Variants in MAST4 observed in about 807,000 individuals in gnomAD.
MAST4 encodes microtubule associated serine/threonine kinase family member 4.
In MAST4, 89 loss-of-function variants were observed where a neutral mutation model predicts 162.7. The observed-to-expected ratio is 0.55, with a 90% CI of 0.46 to 0.65. The LOEUF is 0.65. Ranked by LOEUF, MAST4 falls within the 30% of genes least tolerant of loss-of-function variation. The probability of loss-of-function intolerance (pLI) is 0.00; values close to 1 mark genes in which losing one functional copy is unlikely to be tolerated. For synonymous variants in MAST4, 1,479 were observed against 1,361.1 expected, an observed-to-expected ratio of 1.09 and a Z score of -1.91; for missense variants, 3,153 against 3,374.0, an observed-to-expected ratio of 0.93 and a Z score of 1.62.
At chr5:66,921,214 A>T (rs919531324) in intron 4 of MAST4, among the ~76,000 whole-genome samples, 3 of 152,208 alleles carry the variant, frequency 2.0e-5, no homozygotes, top group Non-Finnish European at 2.9e-5. Context: ...TAGAGCCCCT[A>T]AGTCTGACAT....
At chr5:66,740,348 CTG>C (rs1216282264) in intron 1 of MAST4, among the ~76,000 whole-genome samples, 1 of 152,190 alleles carries the variant, frequency 6.6e-6, no homozygotes, top group Non-Finnish European at 1.5e-5. Flanking sequence ...TGAAAACGTG[CTG>C]TCTCTTAAAT....
At chr5:66,627,442 A>G (rs2149416399) in intron 1 of MAST4, among the ~76,000 whole-genome samples, 1 of 152,316 alleles carries the variant, frequency 6.6e-6, no homozygotes, top group East Asian at 1.9e-4. Flanking sequence ...GTTTTGAGGA[A>G]GAAGATGTGA....
intron 2 of MAST4, among the ~76,000 whole-genome samples, chr5:66,764,722 T>C (rs1754010137): frequency 6.6e-6 from 1 of 152,226 alleles, no homozygotes; most frequent in Non-Finnish European, 1.5e-5. Context: ...AATGTGTTTG[T>C]ATTTTAAGCT....
intron 4 of MAST4, among the ~76,000 whole-genome samples, chr5:67,018,693 T>C (rs1203794855): frequency 6.6e-6 from 1 of 152,174 alleles, no homozygotes; most frequent in Non-Finnish European, 1.5e-5. Flanking sequence ...GTATGATTGT[T>C]GGAAAATAAG....
At chr5:66,723,954 AC>A (rs1561287273) in intron 1 of MAST4, among the ~76,000 whole-genome samples, 1 of 151,910 alleles carries the variant, frequency 6.6e-6, no homozygotes, top group African/African-American at 2.4e-5. Flanking sequence ...ACCTCACTAT[AC>A]CCCCACCCCT....
intron 4 of MAST4, among the ~76,000 whole-genome samples, chr5:67,026,340 C>T (rs895619765): frequency 6.6e-6 from 1 of 152,218 alleles, no homozygotes; most frequent in South Asian, 2.1e-4. Flanking sequence ...ACAACAGCAT[C>T]TCACAACAGT....
At chr5:66,606,763 G>A (rs931874267) in intron 1 of MAST4, among the ~76,000 whole-genome samples, 6 of 152,086 alleles carry the variant, frequency 3.9e-5, no homozygotes, top group Admixed American at 1.3e-4. Flanking sequence ...GAGGGTGCAT[G>A]GCATATAGTG....
chr5:66,761,489 CAG>C (rs1429491176), intron 2 of MAST4, among the ~76,000 whole-genome samples: 1 of 152,092 alleles, frequency 6.6e-6, no homozygotes, highest in African/African-American at 2.4e-5. Context: ...AATCCCCAAA[CAG>C]AGTTTTCTTT....
chr5:67,148,507 A>AC (rs1382869283), intron 23 of MAST4, among the ~76,000 whole-genome samples: 5 of 151,760 alleles, frequency 3.3e-5, no homozygotes, highest in South Asian at 4.2e-4. Context: ...CCATTTCTGC[A>AC]CCCCCCTCCA....
chr5:67,112,471 G>A (rs763220043), intron 11 of MAST4, among the ~76,000 whole-genome samples: 13 of 152,218 alleles, frequency 8.5e-5, no homozygotes, highest in South Asian at 2.1e-4. Flanking sequence ...AATGCCAGTC[G>A]CAAGCTCCAT....
intron 2 of MAST4, among the ~76,000 whole-genome samples, chr5:66,763,245 G>A (rs1753934338): frequency 6.6e-6 from 1 of 152,180 alleles, no homozygotes; most frequent in Non-Finnish European, 1.5e-5. Context: ...AATTCCAGCA[G>A]TATTAACTGG....
chr5:66,921,218 C>G (rs886841226), intron 4 of MAST4, among the ~76,000 whole-genome samples: 3 of 152,082 alleles, frequency 2.0e-5, no homozygotes, highest in Admixed American at 6.5e-5. Flanking sequence ...GCCCCTAAGT[C>G]TGACATAAGG....
chr5:66,614,216 T>C (rs1743490735), intron 1 of MAST4, among the ~76,000 whole-genome samples: 1 of 152,178 alleles, frequency 6.6e-6, no homozygotes, highest in Non-Finnish European at 1.5e-5. Context: ...AAAATAACTA[T>C]GAAAGCAGTC....
chr5:67,104,268 T>C (rs1305543933), intron 9 of MAST4, 98 bp from the exon 10 acceptor site: 8 of 908,868 alleles, frequency 8.8e-6, no homozygotes, highest in African/African-American at 1.6e-5. Context: ...TAACAACTTG[T>C]GGAGGTCTCT....
At chr5:66,663,950 G>A (rs1747074085) in intron 1 of MAST4, among the ~76,000 whole-genome samples, 1 of 152,170 alleles carries the variant, frequency 6.6e-6, no homozygotes. Flanking sequence ...GGCCAGGGTG[G>A]TGGTGGTGGA....
At chr5:67,093,222 TCTTA>T (rs1764058675) in intron 6 of MAST4, among the ~76,000 whole-genome samples, 1 of 152,184 alleles carries the variant, frequency 6.6e-6, no homozygotes, top group Admixed American at 6.5e-5. Context: ...GTTTTTCCCT[TCTTA>T]CTTTTTCATT....
At chr5:66,797,392 T>C (rs545193651) in intron 3 of MAST4, among the ~76,000 whole-genome samples, 9 of 152,238 alleles carry the variant, frequency 5.9e-5, no homozygotes, top group African/African-American at 2.2e-4. Flanking sequence ...CTAGATATAG[T>C]TTTGTGGTTA....
chr5:66,982,050 T>C (rs906333678), intron 4 of MAST4, among the ~76,000 whole-genome samples: 3 of 152,220 alleles, frequency 2.0e-5, no homozygotes, highest in African/African-American at 7.2e-5. Context: ...AGTTGTTTGA[T>C]GATGTTATTC....
At chr5:66,939,841 A>G (rs752215320) in intron 4 of MAST4, among the ~76,000 whole-genome samples, 19 of 152,104 alleles carry the variant, frequency 1.2e-4, no homozygotes, top group Non-Finnish European at 2.4e-4. Flanking sequence ...TTCCCAGTGC[A>G]TATAAAAGCT....
Sources: allele counts gnomAD v4.1 joint callset (sites outside exome capture counted in the v4.1 genomes callset), GRCh38; gene constraint gnomAD v4.1.1; transcripts MANE v1.5; gene names NCBI Gene and HGNC (gene_info 2026-07-23, HGNC 2026-07-21).